The following NELL1 variants were observed in gnomAD, a reference collection of about 807,000 sequenced individuals.
NELL1 encodes neural EGFL like 1, also known as protein kinase C-binding protein NELL1.
Under a neutral mutation model 107.4 loss-of-function variants are expected in NELL1, and 76 were observed. The ratio of observed to expected loss-of-function variants is 0.71; its 90% CI spans 0.59 to 0.86. NELL1 has a LOEUF of 0.86. Ranked by LOEUF, NELL1 falls within the 40% of genes least tolerant of loss-of-function variation. The pLI is 0.00. For missense variants in NELL1, 1,024 were observed against 1,005.5 expected, an observed-to-expected ratio of 1.02 and a Z score of -0.25; for synonymous variants, 353 against 341.2, an observed-to-expected ratio of 1.03 and a Z score of -0.38.
At chr11:20,674,761 T>C (rs1293323597) in intron 1 of NELL1, among the ~76,000 whole-genome samples, 1 of 152,198 alleles carries the variant, frequency 6.6e-6, no homozygotes, top group East Asian at 1.9e-4. Context: ...GATTCAAGGA[T>C]ACCATTGGGG....
At chr11:20,706,660 TATAATA>T (rs1235397222) in intron 2 of NELL1, among the ~76,000 whole-genome samples, 2 of 151,830 alleles carry the variant, frequency 1.3e-5, no homozygotes, top group South Asian at 2.1e-4. Context: ...CCCTAAAACT[TATAATA>T]ATAACAAAAT....
intron 13 of NELL1, among the ~76,000 whole-genome samples, chr11:21,177,449 G>C (rs1856736746): frequency 6.6e-6 from 1 of 151,690 alleles, no homozygotes; most frequent in Admixed American, 6.6e-5. Flanking sequence ...TTTCTTACTT[G>C]TTTAAGGCCG....
At chr11:21,535,205 C>G (rs1330406440) in intron 16 of NELL1, among the ~76,000 whole-genome samples, 2 of 152,122 alleles carry the variant, frequency 1.3e-5, no homozygotes, top group Non-Finnish European at 2.9e-5. Context: ...CAAGACCTTA[C>G]AACTTTCATG....
At chr11:20,828,345 C>T (rs557023383) in intron 3 of NELL1, among the ~76,000 whole-genome samples, 1 of 140,826 alleles carries the variant, frequency 7.1e-6, no homozygotes, top group Admixed American at 7.2e-5. Context: ...ATGTTCTACT[C>T]TTGGAATATC....
intron 3 of NELL1, among the ~76,000 whole-genome samples, chr11:20,810,408 A>G (rs1857475524): frequency 6.6e-6 from 1 of 152,074 alleles, no homozygotes; most frequent in Admixed American, 6.6e-5. Context: ...AGTCCATTGT[A>G]TTATTCTTAT....
At chr11:21,334,424 C>T (rs914548236) in intron 14 of NELL1, among the ~76,000 whole-genome samples, 12 of 151,730 alleles carry the variant, frequency 7.9e-5, no homozygotes, top group African/African-American at 2.2e-4. Flanking sequence ...GAAAACAGGC[C>T]ACAGGCTACA....
chr11:20,830,016 G>C (rs941244575), intron 3 of NELL1, among the ~76,000 whole-genome samples: 1 of 152,278 alleles, frequency 6.6e-6, no homozygotes, highest in African/African-American at 2.4e-5. Flanking sequence ...GCTCATGCCT[G>C]TAATCCCCCC....
At position 20,919,252 on chromosome 11, in the gene NELL1, C is replaced by G; in HGVS notation, c.677C>G (p.Thr226Ser). The G allele has an allele frequency of 6.3e-7, 1 of 1,580,688 alleles. No individual in the cohort carries two copies. The highest frequency in any genetic ancestry group is 1.4e-5 in the African/African-American group (1 of 73,946). Reference protein sequence around the residue: ...YITQCPNLNHTCPTCSDFLSL... With the variant: ...YITQCPNLNHSCPTCSDFLSL... ...TATGTTTTATATTTTCTTTATTGAG[C>G]TTGCCCAACCTGCAGTGATTTCTTA... Residue 226 changes from threonine to serine, a missense_variant and splice_region_variant, in exon 7 of 20, where the codon ACT (threonine) becomes AGT (serine). By Grantham distance (58) the Thr-to-Ser change is moderately conservative. Coordinates refer to ENST00000357134, the MANE Select transcript of NELL1 (RefSeq NM_006157.5).
intron 14 of NELL1, among the ~76,000 whole-genome samples, chr11:21,271,176 T>A (rs1002489849): frequency 9.2e-5 from 14 of 151,634 alleles, no homozygotes; most frequent in Non-Finnish European, 1.9e-4. Flanking sequence ...AAACAGGAAA[T>A]CAATAGAGAA....
Position 20,669,648 on chromosome 11 carries a change from G to A in NELL1, c.-76G>A. 7.5e-7 allele frequency: 1 copy of A among 1,327,452 alleles called. No homozygotes were observed. 82.2% of individuals were successfully genotyped at this position (1,327,452 alleles called of 1,614,324 possible). A position where few individuals can be genotyped will look rare whatever the true frequency, so the allele number is the denominator to read the frequency against. ...AGCAAGTTTGGCGGCTCCAAGCCAGGCGCGCCTCAGGATCCAGGCTCATTT... is the reference window on the plus strand; with the variant it reads ...AGCAAGTTTGGCGGCTCCAAGCCAGACGCGCCTCAGGATCCAGGCTCATTT... On this transcript the variant is annotated 5_prime_UTR_variant, in exon 1 of 20. Transcript: ENST00000357134. This position sits in a 1 kb window ranked among gnomAD's most constrained non-coding sequence, Gnocchi z 4.4.
chr11:21,215,679 C>T (rs1057386135), intron 13 of NELL1, among the ~76,000 whole-genome samples: 2 of 152,116 alleles, frequency 1.3e-5, no homozygotes, highest in African/African-American at 4.8e-5. Flanking sequence ...TGTAATGCTT[C>T]AGCAAAGAGA....
rs569701447 is a variant in NELL1 at position 20,982,278 on chromosome 11, C to T, written c.1300+21718C>T. 2.0e-4 allele frequency among the ~76,000 whole-genome samples: 30 copies of T among 152,240 alleles called. 1 individual carries two copies. Among genetic ancestry groups the T allele is most frequent in the African/African-American group, 6.5e-4 (27 of 41,550 alleles). On this transcript the variant is annotated intron_variant, in intron 12 of 19. Transcript: ENST00000357134. ...ACTGAGAGTAGGGTAGAGATGCCTG[C>T]TCAAATGAAACTGAGGGTGTTGTAT...
intron 12 of NELL1, among the ~76,000 whole-genome samples, chr11:21,058,045 A>ATAAAAAATG (rs1190816567): frequency 6.6e-6 from 1 of 152,108 alleles, no homozygotes; most frequent in African/African-American, 2.4e-5. Context: ...TTCCAGAAAT[A>ATAAAAAATG]TAAAAAATGT....
chr11:21,016,092 A>G (rs1055102328), intron 12 of NELL1, among the ~76,000 whole-genome samples: 20 of 152,102 alleles, frequency 1.3e-4, no homozygotes, highest in African/African-American at 4.8e-4. Context: ...ATTATTGGAC[A>G]CTAATGGATG....
chr11:20,755,534 G>GTTTTTTTTATTTTTA (rs1364309032), intron 2 of NELL1, among the ~76,000 whole-genome samples: 1 of 90,284 alleles, frequency 1.1e-5, no homozygotes, highest in East Asian at 3.3e-4. Context: ...ACCTGTGTGG[G>GTTTTTTTTATTTTTA]TTTTTGTTTT....
chr11:21,463,691 A>G (rs1853955006), intron 15 of NELL1, among the ~76,000 whole-genome samples: 1 of 152,090 alleles, frequency 6.6e-6, no homozygotes, highest in Non-Finnish European at 1.5e-5. Flanking sequence ...TGTTTTATCT[A>G]TTGCTGTATA....
At chr11:21,471,251 T>A (rs1456550372) in intron 15 of NELL1, among the ~76,000 whole-genome samples, 6 of 151,892 alleles carry the variant, frequency 4.0e-5, no homozygotes, top group African/African-American at 1.2e-4. Flanking sequence ...GAAAAAAAAA[T>A]AGGCTTGGAA....
chr11:21,076,823 C>G (rs1481010201), intron 12 of NELL1, among the ~76,000 whole-genome samples: 1 of 152,038 alleles, frequency 6.6e-6, no homozygotes, highest in Non-Finnish European at 1.5e-5. Context: ...CCCCATCTTT[C>G]TCTCTCTCTG....
intron 13 of NELL1, among the ~76,000 whole-genome samples, chr11:21,229,020 T>A (rs902157623): frequency 1.3e-5 from 2 of 151,922 alleles, no homozygotes; most frequent in Non-Finnish European, 2.9e-5. Context: ...CTAAGAACCA[T>A]TACCTTGGAA....
Sources: allele counts gnomAD v4.1 joint callset (sites outside exome capture counted in the v4.1 genomes callset), GRCh38; gene constraint gnomAD v4.1.1; non-coding constraint Gnocchi (gnomAD v3.1); transcripts MANE v1.5; gene names NCBI Gene and HGNC (gene_info 2026-07-23, HGNC 2026-07-21).